Variants in CDH23 observed in about 807,000 individuals in gnomAD.
The protein encoded by CDH23 is cadherin related 23.
CDH23 carries 189 observed loss-of-function variants against 317.1 expected under a neutral mutation model. The observed-to-expected ratio is 0.60, with a 90% CI of 0.53 to 0.67. CDH23 has a LOEUF of 0.67. CDH23 is among the 30% of genes least tolerant of loss of function. The pLI, the probability that CDH23 is intolerant of heterozygous loss-of-function variation, is 0.00. For synonymous variants in CDH23, 1,839 were observed against 1,876.8 expected (o/e 0.98, Z 0.52); for missense variants, 4,401 against 4,592.4 (o/e 0.96, Z 1.20).
chr10:71,658,421 T>C (rs915832518), intron 14 of CDH23, among the ~76,000 whole-genome samples: 2 of 152,190 alleles, frequency 1.3e-5, no homozygotes, highest in African/African-American at 4.8e-5. Context: ...TTTCAGCTGA[T>C]TGGTCATTCA....
intron 25 of CDH23, 79 bp downstream of exon 25, chr10:71,705,209 C>G: frequency 7.6e-7 from 1 of 1,308,780 alleles, no homozygotes; most frequent in South Asian, 1.4e-5. Flanking sequence ...TAGAGGGGAG[C>G]CCATGTCCCC....
intron 3 of CDH23, among the ~76,000 whole-genome samples, chr10:71,471,943 T>A (rs1851537583): frequency 6.6e-6 from 1 of 152,198 alleles, no homozygotes; most frequent in South Asian, 2.1e-4. Flanking sequence ...AGGTGGTAAT[T>A]GCTTTGAGAG....
chr10:71,812,422 G>C, intron 66 of CDH23, 58 bp from the exon 67 acceptor site: 1 of 1,610,446 alleles, frequency 6.2e-7, no homozygotes. Context: ...AGGCTGGAAG[G>C]GCACCTGTCT....
chr10:71,792,960 C>T (rs552354720), intron 47 of CDH23, among the ~76,000 whole-genome samples: 2 of 142,922 alleles, frequency 1.4e-5, no homozygotes, highest in South Asian at 4.5e-4. Flanking sequence ...GCAGAAGATA[C>T]AACTAATTAT....
At chr10:71,693,720 A>G (rs1045708990) in intron 20 of CDH23, among the ~76,000 whole-genome samples, 1 of 152,180 alleles carries the variant, frequency 6.6e-6, no homozygotes, top group African/African-American at 2.4e-5. Context: ...TTTGGACCCT[A>G]TGAGGAAACT....
At chr10:71,736,251 A>G (rs1589386092) in intron 34 of CDH23, among the ~76,000 whole-genome samples, 1 of 152,298 alleles carries the variant, frequency 6.6e-6, no homozygotes, top group African/African-American at 2.4e-5. Flanking sequence ...AGAGGCTCCC[A>G]GGGGCCGCTG....
At chr10:71,455,225 C>T (rs996406905) in intron 3 of CDH23, among the ~76,000 whole-genome samples, 4 of 152,024 alleles carry the variant, frequency 2.6e-5, no homozygotes, top group African/African-American at 9.7e-5. Flanking sequence ...TCCCATATAC[C>T]CTTCACCCAG....
chr10:71,789,501 C>T (rs548700225), intron 45 of CDH23, among the ~76,000 whole-genome samples: 1 of 152,266 alleles, frequency 6.6e-6, no homozygotes, highest in African/African-American at 2.4e-5. Flanking sequence ...ATGCACTGAC[C>T]AGGCTCACCT....
Position 71,811,340 on chromosome 10 carries a change from A to G in CDH23, c.9103A>G (p.Lys3035Glu), listed in dbSNP as rs1250983212. ...GGTGATCCAGATGATCGATGAGAAC[A>G]AGGAGCAGCTACGGAATCTTTTCCG... ...DRVIQMIDEN[K>E]EQLRNLFRNY... The change falls in exon 63 of 70, where the codon AAG becomes GAG. Residue 3035 changes from lysine (K) to glutamate (E), a missense_variant. Coordinates refer to ENST00000224721, the MANE Select transcript of CDH23 (RefSeq NM_022124.6). The G allele has an allele frequency of 7.4e-6, 12 of 1,613,864 alleles. No individual in the cohort carries two copies. The highest frequency in any genetic ancestry group is 1.0e-5 in the Non-Finnish European group (12 of 1,179,848).
At chr10:71,485,842 G>T (rs569263189) in intron 3 of CDH23, among the ~76,000 whole-genome samples, 1 of 152,332 alleles carries the variant, frequency 6.6e-6, no homozygotes, top group South Asian at 2.1e-4. Flanking sequence ...AGCCACATTT[G>T]AACAGGAGGT....
At chr10:71,493,994 T>C (rs1852812286) in intron 3 of CDH23, among the ~76,000 whole-genome samples, 1 of 152,224 alleles carries the variant, frequency 6.6e-6, no homozygotes, top group African/African-American at 2.4e-5. Flanking sequence ...TGATGATGCT[T>C]TGTCATTTAC....
Position 71,529,216 on chromosome 10 carries a change from C to T in CDH23, c.429+18004C>T, listed in dbSNP as rs1476212669. 2.0e-5 allele frequency among the ~76,000 whole-genome samples: 3 copies of T among 152,218 alleles called. No homozygotes were observed. In the South Asian group the frequency reaches 6.2e-4, roughly 32 times the overall value. On this transcript the variant is annotated intron_variant, in intron 6 of 69. Transcript: ENST00000224721. ...AGGCGATGCCAGTGCTGCTGGTCCT[C>T]CGACCTCACTTTGAAGACAAAGGTT...
intron 9 of CDH23, among the ~76,000 whole-genome samples, chr10:71,612,296 G>A (rs1254605566): frequency 6.6e-6 from 1 of 151,922 alleles, no homozygotes; most frequent in African/African-American, 2.4e-5. Context: ...CTGTGTGGGG[G>A]GTACTTGCCT....
chr10:71,466,384 G>A (rs571899301), intron 3 of CDH23, among the ~76,000 whole-genome samples: 20 of 152,064 alleles, frequency 1.3e-4, no homozygotes, highest in African/African-American at 3.1e-4. Flanking sequence ...GTCCCTGCCC[G>A]TGTGTGATAG....
At chr10:71,512,485 A>G (rs563733372) in intron 6 of CDH23, among the ~76,000 whole-genome samples, 4 of 152,272 alleles carry the variant, frequency 2.6e-5, no homozygotes, top group Middle Eastern at 3.4e-3. Flanking sequence ...CCCTAATTTA[A>G]TTAAGGGTCT....
At chr10:71,693,984 G>A (rs1865279282) in intron 20 of CDH23, among the ~76,000 whole-genome samples, 163 bp from the exon 21 acceptor site, 1 of 152,118 alleles carries the variant, frequency 6.6e-6, no homozygotes, top group Admixed American at 6.5e-5. Context: ...CCCACTGTGA[G>A]CACCAGCTCA....
intron 14 of CDH23, among the ~76,000 whole-genome samples, chr10:71,651,888 T>G (rs1425377891): frequency 1.3e-5 from 2 of 152,302 alleles, no homozygotes; most frequent in East Asian, 3.9e-4. Flanking sequence ...GGGGCACGTG[T>G]CCCTCTATTT....
intron 66 of CDH23, 75 bp from the exon 67 acceptor site, chr10:71,812,405 T>C: frequency 6.2e-7 from 1 of 1,608,304 alleles, no homozygotes; most frequent in South Asian, 1.1e-5. Flanking sequence ...GGGCAGGATG[T>C]GGGGTGAGGC....
intron 3 of CDH23, among the ~76,000 whole-genome samples, chr10:71,504,621 G>A (rs1284627692): frequency 6.6e-6 from 1 of 152,226 alleles, no homozygotes; most frequent in Admixed American, 6.5e-5. Flanking sequence ...GGCCTAGCTG[G>A]ATGCCCCTTC....
Sources: gnomAD v4.1 joint callset for allele counts (sites outside exome capture counted in the v4.1 genomes callset) on GRCh38, gnomAD v4.1.1 for gene constraint, MANE v1.5 for transcripts, NCBI Gene and HGNC (gene_info 2026-07-23, HGNC 2026-07-21) for gene names.